PRKCB: variants seen among roughly 807,000 people sequenced by gnomAD.
PRKCB encodes protein kinase C beta, also known as protein kinase C beta type.
Under a neutral mutation model 81.5 loss-of-function variants are expected in PRKCB, and 13 were observed. The ratio of observed to expected loss-of-function variants is 0.16; its 90% CI spans 0.10 to 0.25. The LOEUF is 0.25. PRKCB is among the 10% of genes least tolerant of loss of function. PRKCB has a pLI of 1.00. For missense variants in PRKCB, 509 were observed against 875.7 expected, an observed-to-expected ratio of 0.58 and a Z score of 5.29; for synonymous variants, 335 against 321.4, an observed-to-expected ratio of 1.04 and a Z score of -0.45.
intron 3 of PRKCB, among the ~76,000 whole-genome samples, chr16:24,026,353 A>T (rs772594543): frequency 3.3e-5 from 5 of 152,164 alleles, no homozygotes; most frequent in Non-Finnish European, 5.9e-5. Context: ...TTCCCTTCCC[A>T]TTCTTTGTGC....
In PRKCB at chr16:24,217,957, A is replaced by G. The variant is rs1267917545; in HGVS notation, c.*3141A>G. On this transcript the variant is annotated 3_prime_UTR_variant, in exon 17 of 17. Coordinates refer to ENST00000643927, the MANE Select transcript of PRKCB (RefSeq NM_002738.7). ...AATCAATTCCATTGTTTTGCCTCAG[A>G]GTAAAGTTTCTGGCTCGGGGACAAT... is the stretch of plus-strand genomic sequence containing the variant. The G allele has an allele frequency of 2.0e-6, 2 of 985,286 alleles. No individual in the cohort carries two copies. The highest frequency in any genetic ancestry group is 6.1e-5 in the Admixed American group (1 of 16,264). The allele number at this position is 985,286 out of a possible 1,614,324, so 61.0% of individuals were successfully genotyped here.
chr16:23,890,658 T>A (rs1264780864), intron 2 of PRKCB, among the ~76,000 whole-genome samples: 1 of 152,196 alleles, frequency 6.6e-6, no homozygotes, highest in African/African-American at 2.4e-5. Context: ...TCCTTGCTTT[T>A]GTGATACCCT....
At chr16:23,885,817 T>C (rs1963189401) in intron 2 of PRKCB, among the ~76,000 whole-genome samples, 1 of 152,226 alleles carries the variant, frequency 6.6e-6, no homozygotes, top group Non-Finnish European at 1.5e-5. Context: ...ATTTTTTGGA[T>C]GTCTTTCTAG....
intron 2 of PRKCB, among the ~76,000 whole-genome samples, chr16:23,906,256 G>C (rs1263551581): frequency 6.6e-6 from 1 of 151,966 alleles, no homozygotes; most frequent in South Asian, 2.1e-4. Flanking sequence ...CTAGTATCTC[G>C]CTATCATCTT....
intron 1 of PRKCB, among the ~76,000 whole-genome samples, chr16:23,836,768 C>CGG (rs71154241): frequency 0.03 from 4,272 of 141,928 alleles, 293 homozygotes; most frequent in African/African-American, 0.1. Flanking sequence ...CCCTTGTTTC[C>CGG]GGGGGGGGCG....
chr16:24,115,279 CCCAAGAGCATTTAT>C (rs1397901874), intron 8 of PRKCB, among the ~76,000 whole-genome samples: 3 of 142,496 alleles, frequency 2.1e-5, no homozygotes, highest in African/African-American at 7.9e-5. Context: ...TAGCATTTAT[CCCAAGAGCATTTAT>C]CCAAGAGCAT....
At chr16:24,176,011 C>G (rs937561624) in intron 12 of PRKCB, among the ~76,000 whole-genome samples, 1 of 150,078 alleles carries the variant, frequency 6.7e-6, no homozygotes, top group Admixed American at 6.6e-5. Context: ...TAAGATTAGC[C>G]CTGGTAAGTA....
chr16:24,096,661 AAAAAAATATATATATATATATATATATAT>A (rs1966444246), intron 7 of PRKCB, among the ~76,000 whole-genome samples: 1 of 49,212 alleles, frequency 2.0e-5, no homozygotes, highest in African/African-American at 7.3e-5. Context: ...GCAAAAAAAA[AAAAAAATATATATATATATATATATATAT>A]ATATATATAT....
chr16:24,132,079 A>G (rs1355880395), intron 9 of PRKCB, among the ~76,000 whole-genome samples: 5 of 152,124 alleles, frequency 3.3e-5, no homozygotes, highest in African/African-American at 1.2e-4. Context: ...TTTACTCACT[A>G]AATATATCCA....
intron 2 of PRKCB, among the ~76,000 whole-genome samples, chr16:23,939,709 T>C (rs945670640): frequency 1.3e-5 from 2 of 152,210 alleles, no homozygotes; most frequent in African/African-American, 4.8e-5. Context: ...AACTCAAAAT[T>C]GATCATGCTA....
intron 5 of PRKCB, among the ~76,000 whole-genome samples, chr16:24,045,430 T>G (rs1440138901): frequency 6.6e-6 from 1 of 152,240 alleles, no homozygotes; most frequent in Non-Finnish European, 1.5e-5. Context: ...TCATCCTTGC[T>G]GAGTCGCATA....
chr16:23,982,096 TTTTCCCTTCCC>T, intron 2 of PRKCB, among the ~76,000 whole-genome samples: 1 of 10,164 alleles, frequency 9.8e-5, no homozygotes. Context: ...TTCCCTTTCC[TTTTCCCTTCCC>T]TTCCCTTTCC....
rs1448186398 is a variant in PRKCB at position 24,217,097 on chromosome 16, GAAAGAAAGAAGAA to G, written c.*2293_*2305del. 12 of 981,088 alleles carry G rather than the reference GAAAGAAAGAAGAA, an allele frequency of 1.2e-5. No individual in the cohort carries two copies. In the South Asian group the frequency reaches 3.3e-4, roughly 27 times the overall value. 60.8% of individuals were successfully genotyped at this position (981,088 alleles called of 1,614,324 possible). On this transcript the variant is annotated 3_prime_UTR_variant, in exon 17 of 17. Transcript: ENST00000643927. ...AGGATGAATGGAAAGAGAAAGAAAGGAAAGAAAGAAGAAAAAGAAAGAAGGAAAGAAAGAAAGA... is the reference window on the plus strand; with the variant it reads ...AGGATGAATGGAAAGAGAAAGAAAGGAAAGAAAGAAGGAAAGAAAGAAAGA...
chr16:24,039,657 G>A (rs946465158), intron 5 of PRKCB, among the ~76,000 whole-genome samples: 1 of 152,200 alleles, frequency 6.6e-6, no homozygotes, highest in Non-Finnish European at 1.5e-5. Flanking sequence ...CTTCCCAGGT[G>A]AGGAGGCTTC....
At chr16:24,122,734 G>A (rs1373369606) in intron 8 of PRKCB, among the ~76,000 whole-genome samples, 2 of 132,966 alleles carry the variant, frequency 1.5e-5, no homozygotes, top group East Asian at 4.0e-4. Flanking sequence ...TGTTGGAATT[G>A]CAGGTGTGAG....
intron 5 of PRKCB, among the ~76,000 whole-genome samples, chr16:24,059,369 C>A (rs551246591): frequency 2.8e-4 from 42 of 152,160 alleles, no homozygotes; most frequent in Middle Eastern, 3.4e-3. Context: ...AAAAATAATG[C>A]TTTTAAGTCC....
chr16:24,104,708 G>A (rs1966552764), intron 7 of PRKCB, among the ~76,000 whole-genome samples: 1 of 152,154 alleles, frequency 6.6e-6, no homozygotes, highest in Admixed American at 6.5e-5. Flanking sequence ...TAGGCAGCGA[G>A]GACGGCAAGC....
Position 24,155,603 on chromosome 16 carries a change from T to C in PRKCB, c.1239+746T>C, listed in dbSNP as rs59742210. Among the ~76,000 whole-genome samples the C allele has an allele frequency of 9.3e-3, 1,417 of 152,290 alleles. 18 individuals are homozygous for C. Among genetic ancestry groups the C allele is most frequent in the African/African-American group, 0.032 (1,334 of 41,554 alleles). On this transcript the variant is annotated intron_variant, in intron 10 of 16. Transcript: ENST00000643927. ...CAATGACCTGGTGACTTAAGATGTT[T>C]TGGGGACTTTTCAAGATTAATTTTG...
intron 12 of PRKCB, among the ~76,000 whole-genome samples, chr16:24,176,854 G>A (rs949027065): frequency 2.4e-4 from 36 of 148,576 alleles, no homozygotes; most frequent in African/African-American, 8.0e-4. Flanking sequence ...AGATCACCCC[G>A]TTGCACTCCA....
Sources: allele counts gnomAD v4.1 joint callset (sites outside exome capture counted in the v4.1 genomes callset), GRCh38; gene constraint gnomAD v4.1.1; transcripts MANE v1.5; gene names NCBI Gene and HGNC (gene_info 2026-07-23, HGNC 2026-07-21).